Variants in LINC00305 observed in about 807,000 individuals in gnomAD.
LINC00305 encodes the protein long independently transcribed non-coding RNA 305.
intron 3 of LINC00305, among the ~76,000 whole-genome samples, chr18:64,084,921 A>G (rs868719241): frequency 2.0e-5 from 3 of 152,232 alleles, no homozygotes; most frequent in East Asian, 1.9e-4. Context: ...ACGACCATCA[A>G]TGCAGGTATG....
intron 1 of LINC00305, among the ~76,000 whole-genome samples, chr18:64,136,274 C>A (rs2051433537): frequency 6.6e-6 from 1 of 152,130 alleles, no homozygotes; most frequent in Non-Finnish European, 1.5e-5. Flanking sequence ...CTGGAAAAAT[C>A]TTGGCTTGTT....
At chr18:64,135,361 C>T (rs985424060) in intron 1 of LINC00305, among the ~76,000 whole-genome samples, 3 of 152,108 alleles carry the variant, frequency 2.0e-5, no homozygotes, top group Non-Finnish European at 2.9e-5. Context: ...ATAATGACAT[C>T]CGACTTCTTT....
chr18:64,132,921 A>T (rs557275280), intron 1 of LINC00305, among the ~76,000 whole-genome samples: 1 of 152,294 alleles, frequency 6.6e-6, no homozygotes, highest in African/African-American at 2.4e-5. Flanking sequence ...GTCAGGAAAG[A>T]TGGAGGGCCT....
intron 1 of LINC00305, among the ~76,000 whole-genome samples, chr18:64,124,918 A>G (rs1006736736): frequency 1.3e-5 from 2 of 152,068 alleles, no homozygotes; most frequent in African/African-American, 2.4e-5. Flanking sequence ...ACCAAATTCA[A>G]TATCTTTTTG....
intron 1 of LINC00305, among the ~76,000 whole-genome samples, chr18:64,107,718 A>G (rs1244543554): frequency 6.6e-6 from 1 of 152,176 alleles, no homozygotes; most frequent in Non-Finnish European, 1.5e-5. Context: ...TGTTTGTGTT[A>G]ATTTGGCCAG....
intron 1 of LINC00305, among the ~76,000 whole-genome samples, chr18:64,140,976 T>C (rs532230153): frequency 4.8e-5 from 7 of 145,240 alleles, no homozygotes; most frequent in African/African-American, 1.5e-4. Flanking sequence ...CCCTCAGCTG[T>C]CAGCCAGCAA....
chr18:64,089,592 A>T (rs559375477), intron 3 of LINC00305, among the ~76,000 whole-genome samples: 1 of 152,304 alleles, frequency 6.6e-6, no homozygotes, highest in South Asian at 2.1e-4. Flanking sequence ...AGTGGGGAAA[A>T]GGCAGGAAAT....
intron 1 of LINC00305, among the ~76,000 whole-genome samples, chr18:64,103,731 TA>T (rs1345681949): frequency 6.6e-6 from 1 of 152,210 alleles, no homozygotes; most frequent in Admixed American, 6.5e-5. Context: ...CAAATATACT[TA>T]CCCTACACCA....
At chr18:64,140,961 A>G (rs1163886505) in intron 1 of LINC00305, among the ~76,000 whole-genome samples, 1 of 148,126 alleles carries the variant, frequency 6.8e-6, no homozygotes, top group African/African-American at 2.5e-5. Context: ...GGAAGCGGAG[A>G]GTGGCCCTCA....
At chr18:64,085,466 C>CTT (rs112804959) in intron 3 of LINC00305, among the ~76,000 whole-genome samples, 11 of 144,964 alleles carry the variant, frequency 7.6e-5, no homozygotes, top group Non-Finnish European at 1.2e-4. Flanking sequence ...GTATTTGTCA[C>CTT]TTTTTTTTTT....
At chr18:64,126,842 C>T (rs2051387645) in intron 1 of LINC00305, among the ~76,000 whole-genome samples, 1 of 152,108 alleles carries the variant, frequency 6.6e-6, no homozygotes, top group South Asian at 2.1e-4. Flanking sequence ...TATCAGTCCA[C>T]TGTATTAAAT....
At chr18:64,121,517 C>T (rs2051361965) in intron 1 of LINC00305, among the ~76,000 whole-genome samples, 2 of 152,114 alleles carry the variant, frequency 1.3e-5, no homozygotes, top group Admixed American at 1.3e-4. Flanking sequence ...CTGCAAAAAA[C>T]ATGATTTCAT....
chr18:64,119,235 T>C (rs1425942458), intron 1 of LINC00305, among the ~76,000 whole-genome samples: 1 of 152,094 alleles, frequency 6.6e-6, no homozygotes, highest in Non-Finnish European at 1.5e-5. Context: ...TGAGCACTGA[T>C]TGGAACTTAG....
intron 1 of LINC00305, among the ~76,000 whole-genome samples, chr18:64,131,669 A>G (rs1276905486): frequency 6.6e-6 from 1 of 152,232 alleles, no homozygotes; most frequent in Non-Finnish European, 1.5e-5. Context: ...AATAAGGGAT[A>G]GCCTATGATG....
chr18:64,109,638 T>A (rs1050666134), intron 1 of LINC00305, among the ~76,000 whole-genome samples: 1 of 152,040 alleles, frequency 6.6e-6, no homozygotes, highest in Non-Finnish European at 1.5e-5. Context: ...CTGGGAAGAT[T>A]TTTATCTATT....
chr18:64,102,052 A>G (rs1053635595), intron 1 of LINC00305, among the ~76,000 whole-genome samples: 8 of 152,164 alleles, frequency 5.3e-5, no homozygotes, highest in Admixed American at 5.2e-4. Context: ...AACCAAGTCA[A>G]TTTCACAAAC....
intron 1 of LINC00305, among the ~76,000 whole-genome samples, chr18:64,141,052 T>A (rs1356696210): frequency 2.3e-3 from 219 of 96,290 alleles, no homozygotes; most frequent in East Asian, 3.4e-3. Flanking sequence ...GCCTGAATGA[T>A]AAAAAAAAAA....
chr18:64,134,285 G>A (rs1599228381), intron 1 of LINC00305, among the ~76,000 whole-genome samples: 1 of 152,036 alleles, frequency 6.6e-6, no homozygotes, highest in African/African-American at 2.4e-5. Context: ...TATTTGGGGA[G>A]GGAAAAAAGT....
At chr18:64,118,824 C>CTGTGTGTG (rs58215196) in intron 1 of LINC00305, among the ~76,000 whole-genome samples, 11 of 144,354 alleles carry the variant, frequency 7.6e-5, no homozygotes, top group South Asian at 2.3e-4. Context: ...CCCTGGGGGT[C>CTGTGTGTG]TGTGTGTGTG....
Sources: allele counts gnomAD v4.1 joint callset (sites outside exome capture counted in the v4.1 genomes callset), GRCh38; gene constraint gnomAD v4.1.1; transcripts MANE v1.5; gene names NCBI Gene and HGNC (gene_info 2026-07-23, HGNC 2026-07-21).